Variants in JAK1 observed in about 807,000 individuals in gnomAD.
JAK1 encodes the protein Janus kinase 1, also known as tyrosine-protein kinase JAK1.
In JAK1, 16 loss-of-function variants were observed where a neutral mutation model predicts 136.6. That is an observed-to-expected ratio of 0.12 (90% CI 0.08 to 0.18). The LOEUF is 0.18. Ranked by LOEUF, JAK1 falls within the 10% of genes least tolerant of loss-of-function variation. The probability of loss-of-function intolerance (pLI) is 1.00; values close to 1 mark genes in which losing one functional copy is unlikely to be tolerated. For missense variants in JAK1, 859 were observed against 1,450.1 expected (o/e 0.59, Z 6.62); for synonymous variants, 492 against 519.5 (o/e 0.95, Z 0.72).
chr1:65,018,061 T>A (rs1646904884), intron 2 of JAK1, among the ~76,000 whole-genome samples: 1 of 152,166 alleles, frequency 6.6e-6, no homozygotes, highest in Non-Finnish European at 1.5e-5. Context: ...TCCTCCCGCC[T>A]CAGCCTCCCA....
intron 1 of JAK1, among the ~76,000 whole-genome samples, chr1:64,905,812 C>A (rs1645181100): frequency 1.3e-5 from 2 of 152,292 alleles, no homozygotes; most frequent in African/African-American, 4.8e-5. Context: ...ATGATCCCTA[C>A]AAACAACCTA....
chr1:64,903,068 C>T (rs953667570), intron 1 of JAK1, among the ~76,000 whole-genome samples: 14 of 152,106 alleles, frequency 9.2e-5, no homozygotes, highest in African/African-American at 2.7e-4. Context: ...CTCTTGTCAC[C>T]CAGGCTGGAG....
At chr1:64,985,518 G>A (rs1253247058) in intron 2 of JAK1, 8 of 1,523,790 alleles carry the variant, frequency 5.3e-6, no homozygotes, top group Admixed American at 5.1e-5. Flanking sequence ...CATAGCAGGA[G>A]AGATGGGAAA....
chr1:64,874,648 C>T (rs1413576460), intron 4 of JAK1, among the ~76,000 whole-genome samples: 1 of 152,098 alleles, frequency 6.6e-6, no homozygotes, highest in Non-Finnish European at 1.5e-5. Context: ...CCAAGCCAGC[C>T]CAGGCCATCT....
At chr1:64,855,406 G>A in intron 11 of JAK1, 103 bp downstream of exon 11, 3 of 1,036,824 alleles carry the variant, frequency 2.9e-6, no homozygotes, top group Non-Finnish European at 4.2e-6. Flanking sequence ...AGAAACTGTG[G>A]GGAGGGTCCA....
intron 20 of JAK1, 142 bp downstream of exon 20, chr1:64,839,461 G>C: frequency 1.5e-6 from 1 of 661,528 alleles, no homozygotes; most frequent in Non-Finnish European, 2.5e-6. Flanking sequence ...ATATGACTTG[G>C]AAGCCTTGAG....
At chr1:65,018,979 C>A (rs904889124) in intron 2 of JAK1, among the ~76,000 whole-genome samples, 4 of 151,890 alleles carry the variant, frequency 2.6e-5, no homozygotes, top group African/African-American at 9.7e-5. Context: ...CCACTGCCCT[C>A]CATCGTGGGG....
intron 2 of JAK1, among the ~76,000 whole-genome samples, chr1:65,031,604 C>T (rs1425157118): frequency 6.6e-6 from 1 of 151,924 alleles, no homozygotes; most frequent in South Asian, 2.1e-4. Flanking sequence ...GTCCATGGAC[C>T]CTGGATTAGA....
chr1:64,863,816 A>G (rs1241214337), intron 8 of JAK1, among the ~76,000 whole-genome samples: 1 of 152,088 alleles, frequency 6.6e-6, no homozygotes, highest in South Asian at 2.1e-4. Context: ...CTATTATTGT[A>G]TATTTAAGTT....
At chr1:64,905,102 CT>C (rs1645169835) in intron 1 of JAK1, among the ~76,000 whole-genome samples, 1 of 152,158 alleles carries the variant, frequency 6.6e-6, no homozygotes, top group Admixed American at 6.5e-5. Flanking sequence ...CCTCGGCCTT[CT>C]TGTTTTTTCC....
chr1:64,913,683 G>GGAAGGAAGGAAGGAAGGAAGGAAGGAAA, intron 1 of JAK1, among the ~76,000 whole-genome samples: 1 of 38,026 alleles, frequency 2.6e-5, no homozygotes, highest in African/African-American at 8.3e-5. Flanking sequence ...AAGGAAGGAA[G>GGAAGGAAGGAAGGAAGGAAGGAAGGAAA]GAAGGAAGGA....
chr1:65,033,356 T>G (rs570072686), intron 2 of JAK1, among the ~76,000 whole-genome samples: 1 of 152,022 alleles, frequency 6.6e-6, no homozygotes, highest in South Asian at 2.1e-4. Flanking sequence ...ATTTTAAAAT[T>G]TTTTTATTTT....
intron 1 of JAK1, among the ~76,000 whole-genome samples, chr1:64,951,649 CTTTTTTTTTTT>C (rs71056071): frequency 2.6e-5 from 2 of 76,986 alleles, no homozygotes; most frequent in African/African-American, 5.1e-5. Flanking sequence ...CAAGTTCTGC[CTTTTTTTTTTT>C]TTTTTTTTTT....
intron 1 of JAK1, among the ~76,000 whole-genome samples, chr1:65,051,787 G>A (rs1647290769): frequency 6.6e-6 from 1 of 152,040 alleles, no homozygotes; most frequent in Admixed American, 6.6e-5. Context: ...ATAATCTCAT[G>A]GAAAATAAAA....
At chr1:64,927,903 T>C (rs374488221) in intron 1 of JAK1, among the ~76,000 whole-genome samples, 1 of 152,340 alleles carries the variant, frequency 6.6e-6, no homozygotes, top group Middle Eastern at 3.4e-3. Context: ...AAGAAAGTGA[T>C]GGCTGAAATC....
At chr1:65,061,749 A>T (rs1454540414) in intron 1 of JAK1, among the ~76,000 whole-genome samples, 1 of 152,208 alleles carries the variant, frequency 6.6e-6, no homozygotes, top group Non-Finnish European at 1.5e-5. Flanking sequence ...AAGTACACAG[A>T]ATGTATACTT....
chr1:64,901,154 T>C (rs373702233), intron 1 of JAK1, among the ~76,000 whole-genome samples: 24 of 152,326 alleles, frequency 1.6e-4, no homozygotes, highest in African/African-American at 5.1e-4. Context: ...GCCTAAGGCA[T>C]GCCAGATATT....
intron 1 of JAK1, among the ~76,000 whole-genome samples, chr1:65,047,665 G>A (rs915951067): frequency 3.3e-5 from 5 of 151,684 alleles, no homozygotes; most frequent in Admixed American, 6.6e-5. Flanking sequence ...CTTGCAGTGC[G>A]CCGAGATCAC....
chr1:64,858,226 C>A (rs904234511), intron 9 of JAK1, among the ~76,000 whole-genome samples: 10 of 152,176 alleles, frequency 6.6e-5, no homozygotes, highest in African/African-American at 2.4e-4. Flanking sequence ...GAGAATACAT[C>A]AGTGAGGACT....
Sources: gnomAD v4.1 joint callset for allele counts (sites outside exome capture counted in the v4.1 genomes callset) on GRCh38, gnomAD v4.1.1 for gene constraint, MANE v1.5 for transcripts, NCBI Gene and HGNC (gene_info 2026-07-23, HGNC 2026-07-21) for gene names.